USP25: variants seen among roughly 807,000 people sequenced by gnomAD.
USP25 encodes ubiquitin specific peptidase 25.
Under a neutral mutation model 158.5 loss-of-function variants are expected in USP25, and 85 were observed. That is an observed-to-expected ratio of 0.54 (90% CI 0.45 to 0.64). The LOEUF (loss-of-function observed/expected upper bound fraction) is 0.64. Ranked by LOEUF, USP25 falls within the 30% of genes least tolerant of loss-of-function variation. The probability of loss-of-function intolerance (pLI) is 0.00; values close to 1 mark genes in which losing one functional copy is unlikely to be tolerated. For missense variants in USP25, 1,242 were observed against 1,327.3 expected, an observed-to-expected ratio of 0.94 and a Z score of 1.00; for synonymous variants, 464 against 460.4, an observed-to-expected ratio of 1.01 and a Z score of -0.10.
At chr21:15,735,995 T>TGG (rs1050240304) in intron 1 of USP25, among the ~76,000 whole-genome samples, 2 of 151,904 alleles carry the variant, frequency 1.3e-5, no homozygotes, top group African/African-American at 4.8e-5. Context: ...TGTGTGTGTG[T>TGG]GTGTGTGTAT....
At chr21:15,845,820 A>G (rs2038557008) in intron 18 of USP25, among the ~76,000 whole-genome samples, 1 of 152,116 alleles carries the variant, frequency 6.6e-6, no homozygotes, top group Non-Finnish European at 1.5e-5. Flanking sequence ...TATATGCTAG[A>G]AAGATTAAAA....
chr21:15,775,610 G>T (rs572500936), intron 3 of USP25, among the ~76,000 whole-genome samples: 16 of 152,138 alleles, frequency 1.1e-4, no homozygotes, highest in African/African-American at 3.9e-4. Flanking sequence ...GCAAAGTCTA[G>T]TTGCCGCTTA....
Position 15,758,252 on chromosome 21 carries a change from C to T in USP25, c.46-4639C>T, listed in dbSNP as rs574050246. Reference sequence around the variant, plus strand: ...ACATGCATTTGTATTAGTCTGTTCTCACGCTGCTATAAGGACATACCTGAG... The same window carrying T: ...ACATGCATTTGTATTAGTCTGTTCTTACGCTGCTATAAGGACATACCTGAG... On this transcript the variant is annotated intron_variant, in intron 1 of 25. Transcript: ENST00000400183. Among the ~76,000 whole-genome samples, 11 of 152,294 alleles carry T rather than the reference C, an allele frequency of 7.2e-5. No homozygotes were observed. In the East Asian group the frequency reaches 2.1e-3, roughly 29 times the overall value.
At chr21:15,737,849 T>C in intron 1 of USP25, among the ~76,000 whole-genome samples, 1 of 151,998 alleles carries the variant, frequency 6.6e-6, no homozygotes, top group East Asian at 1.9e-4. Context: ...TTTTTTCCCT[T>C]CAGATTTTGG....
chr21:15,862,748 CAA>C lies in USP25; in HGVS notation c.2548-1509_2548-1508del, dbSNP rs11308815. Among the ~76,000 whole-genome samples, 1,153 of 140,422 alleles carry C rather than the reference CAA, an allele frequency of 8.2e-3. 27 individuals carry two copies. In the East Asian group the frequency reaches 0.11, roughly 13 times the overall value. 92.1% of individuals were successfully genotyped at this position (140,422 alleles called of 152,430 possible). The stretch of plus-strand genomic sequence containing the variant: ...GACTTTGGAATGACATGTATATCCT[CAA>C]AAAAAAAAAAGTCAGTTTTTTCAAG... On this transcript the variant is annotated intron_variant, in intron 20 of 25. Transcript: ENST00000400183.
Position 15,748,467 on chromosome 21 carries a change from T to G in USP25, c.46-14424T>G, listed in dbSNP as rs2032742373. 2.8e-5 allele frequency among the ~76,000 whole-genome samples: 4 copies of G among 144,426 alleles called. No homozygotes were observed. In the South Asian group the frequency reaches 6.8e-4, roughly 25 times the overall value. The allele number at this position is 144,426 out of a possible 152,430, so 94.7% of individuals were successfully genotyped here. On this transcript the variant is annotated intron_variant, in intron 1 of 25. Transcript: ENST00000400183. ...AGCTACTTTTTAGTTTTTTTTTTTT[T>G]TTTTTTTTTTTTTGTAGAGATGGGG...
chr21:15,751,684 T>A (rs1244805340), intron 1 of USP25, among the ~76,000 whole-genome samples: 1 of 152,234 alleles, frequency 6.6e-6, no homozygotes, highest in East Asian at 1.9e-4. Flanking sequence ...ATATAGGCAC[T>A]CTAATTTAAA....
At position 15,871,960 on chromosome 21, in the gene USP25, C is replaced by T. The variant is rs536227142; in HGVS notation, c.2885+1813C>T. Reference sequence around the variant, plus strand: ...GAGCCAAGATCGCGCCACTGCACTCCAGCCTGGGCGACAGAGCGAGACACT... The same window carrying T: ...GAGCCAAGATCGCGCCACTGCACTCTAGCCTGGGCGACAGAGCGAGACACT... On this transcript the variant is annotated intron_variant, in intron 23 of 25. Transcript: ENST00000400183. Among the ~76,000 whole-genome samples the T allele has an allele frequency of 2.3e-3, 345 of 147,336 alleles. 4 individuals carry two copies. Among genetic ancestry groups the T allele is most frequent in the African/African-American group, 8.4e-3 (333 of 39,586 alleles).
chr21:15,744,749 C>G (rs367786886), intron 1 of USP25: 1 of 152,180 alleles, frequency 6.6e-6, no homozygotes, highest in Non-Finnish European at 1.5e-5. Flanking sequence ...CCACCACACC[C>G]GTCTAATTTT....
chr21:15,743,990 G>A (rs1039589930), intron 1 of USP25: 3 of 155,526 alleles, frequency 1.9e-5, no homozygotes, highest in African/African-American at 7.2e-5. Flanking sequence ...AAGTCACTTA[G>A]AACAGTGGAA....
chr21:15,782,250 A>C (rs2035007152), intron 4 of USP25, among the ~76,000 whole-genome samples: 1 of 152,194 alleles, frequency 6.6e-6, no homozygotes, highest in Non-Finnish European at 1.5e-5. Context: ...GTATACAGCC[A>C]GTGGGCCTGT....
intron 1 of USP25, among the ~76,000 whole-genome samples, chr21:15,730,976 G>GTTTTTTTTTTTTTTTTTTTTTTTT (rs748732727): frequency 5.6e-5 from 3 of 53,646 alleles, no homozygotes; most frequent in African/African-American, 2.1e-4. Flanking sequence ...CTTCTTTTCT[G>GTTTTTTTTTTTTTTTTTTTTTTTT]TTTTTTTTTT....
intron 20 of USP25, among the ~76,000 whole-genome samples, chr21:15,857,577 C>T (rs558854044): frequency 3.9e-5 from 6 of 152,014 alleles, no homozygotes; most frequent in African/African-American, 1.2e-4. Context: ...CATCTTTATA[C>T]GTTTATTACA....
chr21:15,853,324 C>T (rs558963695), intron 20 of USP25, among the ~76,000 whole-genome samples: 41 of 151,726 alleles, frequency 2.7e-4, no homozygotes, highest in South Asian at 8.3e-4. Context: ...CACATGTACA[C>T]GCACACGTGT....
intron 14 of USP25, among the ~76,000 whole-genome samples, chr21:15,829,231 G>A (rs1188990363): frequency 6.6e-6 from 1 of 151,986 alleles, no homozygotes; most frequent in African/African-American, 2.4e-5. Flanking sequence ...ATGTCTTGGG[G>A]GTTTGGTGTA....
intron 1 of USP25, among the ~76,000 whole-genome samples, chr21:15,740,516 A>G (rs1033894091): frequency 6.6e-6 from 1 of 152,114 alleles, no homozygotes; most frequent in African/African-American, 2.4e-5. Flanking sequence ...CCAAAGCTTC[A>G]GGTGGCTAGG....
intron 19 of USP25, among the ~76,000 whole-genome samples, chr21:15,848,999 A>T (rs551139534): frequency 1.4e-5 from 2 of 141,438 alleles, no homozygotes; most frequent in South Asian, 4.2e-4. Flanking sequence ...AACAAAAAAA[A>T]TGCTTAAGTA....
intron 5 of USP25, among the ~76,000 whole-genome samples, chr21:15,794,482 C>A (rs1012944231): frequency 1.3e-5 from 2 of 151,636 alleles, no homozygotes; most frequent in Non-Finnish European, 3.0e-5. Context: ...TAGGGTGTCA[C>A]TGAATGAGTT....
intron 4 of USP25, among the ~76,000 whole-genome samples, chr21:15,781,601 A>G (rs927900636): frequency 1.2e-4 from 18 of 152,172 alleles, no homozygotes; most frequent in Admixed American, 9.2e-4. Flanking sequence ...CCAAGAGAAC[A>G]GCAAAGTCCC....
Sources: gnomAD v4.1 joint callset for allele counts (sites outside exome capture counted in the v4.1 genomes callset) on GRCh38, gnomAD v4.1.1 for gene constraint, MANE v1.5 for transcripts, NCBI Gene and HGNC (gene_info 2026-07-23, HGNC 2026-07-21) for gene names.